The following KCNU1 variants were observed in gnomAD, a reference collection of about 807,000 sequenced individuals.
KCNU1 encodes the protein potassium channel subfamily U member 1.
A neutral mutation model predicts 126.8 loss-of-function variants in KCNU1; 93 were observed. That is an observed-to-expected ratio of 0.73 (90% CI 0.62 to 0.87). KCNU1 has a LOEUF of 0.87. KCNU1 is among the 40% of genes least tolerant of loss of function. KCNU1 has a pLI of 0.00. For synonymous variants in KCNU1, 523 were observed against 494.2 expected, an observed-to-expected ratio of 1.06 and a Z score of -0.77; for missense variants, 1,330 against 1,367.1, an observed-to-expected ratio of 0.97 and a Z score of 0.43.
chr8:36,915,892 C>T (rs1808081325), intron 22 of KCNU1, among the ~76,000 whole-genome samples: 1 of 150,048 alleles, frequency 6.7e-6, no homozygotes, highest in Admixed American at 6.7e-5. Flanking sequence ...GTACATAGTT[C>T]TATCATGGAG....
intron 3 of KCNU1, 48 bp from the exon 4 acceptor site, chr8:36,805,147 C>T (rs1476084717): frequency 7.3e-7 from 1 of 1,375,612 alleles, no homozygotes; most frequent in African/African-American, 1.4e-5. Flanking sequence ...ATATAGACAC[C>T]ACTTTAAAAA....
chr8:36,812,491 A>G (rs1032890519), intron 7 of KCNU1, among the ~76,000 whole-genome samples: 4 of 152,194 alleles, frequency 2.6e-5, no homozygotes, highest in Admixed American at 2.6e-4. Context: ...GCACAAATAA[A>G]AGTAATATAG....
chr8:36,869,329 G>C (rs553549453), intron 19 of KCNU1, among the ~76,000 whole-genome samples: 20 of 152,144 alleles, frequency 1.3e-4, no homozygotes, highest in Non-Finnish European at 2.2e-4. Context: ...ACTTTCCCTG[G>C]AAATTCTCCC....
Position 36,784,630 on chromosome 8 carries a change from T to C in KCNU1, c.195+25T>C, listed in dbSNP as rs754287267. 1.9e-6 allele frequency: 3 copies of C among 1,557,610 alleles called. No individual in the cohort carries two copies. In the Admixed American group the frequency reaches 5.3e-5, roughly 28 times the overall value. ...GGTCAGTTTCCTTGTTAGGGATCCCTCTGTGTGAAGTCAGAGATGAGTTTG... is the reference window on the plus strand; with the variant it reads ...GGTCAGTTTCCTTGTTAGGGATCCCCCTGTGTGAAGTCAGAGATGAGTTTG... On this transcript the variant is annotated intron_variant, in intron 1 of 26. Transcript: ENST00000399881.
rs751286326 is a variant in KCNU1 at position 36,864,396 on chromosome 8, T to C, written c.1892-8T>C. On this transcript the variant is annotated splice_region_variant and splice_polypyrimidine_tract_variant and intron_variant, in intron 18 of 26. Coordinates refer to ENST00000399881, the MANE Select transcript of KCNU1 (RefSeq NM_001031836.3). Reference sequence around the variant, plus strand: ...TGCCAACTCACTGAGATTTCTATCCTATTGCAGTGCCATCGGTAAAGAGAA... The same window carrying C: ...TGCCAACTCACTGAGATTTCTATCCCATTGCAGTGCCATCGGTAAAGAGAA... 6.7e-7 allele frequency: 1 copy of C among 1,486,228 alleles called. No individual in the cohort carries two copies. The highest frequency in any genetic ancestry group is 9.4e-7 in the Non-Finnish European group (1 of 1,063,766). The allele number at this position is 1,486,228 out of a possible 1,614,324, so 92.1% of individuals were successfully genotyped here.
chr8:36,814,028 T>A (rs2000441), intron 7 of KCNU1, among the ~76,000 whole-genome samples, 179 bp from the exon 8 acceptor site: 6 of 152,160 alleles, frequency 3.9e-5, no homozygotes, highest in Admixed American at 3.9e-4. Context: ...GACTTTACAC[T>A]CACTACCCAT....
intron 19 of KCNU1, among the ~76,000 whole-genome samples, chr8:36,874,200 C>A (rs1806201234): frequency 6.6e-6 from 1 of 152,148 alleles, no homozygotes; most frequent in Non-Finnish European, 1.5e-5. Flanking sequence ...CTACTCAATT[C>A]TCTTCAAAGC....
chr8:36,844,515 A>G (rs899835811), intron 16 of KCNU1, among the ~76,000 whole-genome samples: 1 of 152,234 alleles, frequency 6.6e-6, no homozygotes, highest in African/African-American at 2.4e-5. Flanking sequence ...TATTTCACTC[A>G]TTAATATAAG....
At chr8:36,912,953 C>CAAA (rs71547665) in intron 22 of KCNU1, among the ~76,000 whole-genome samples, 10 of 37,372 alleles carry the variant, frequency 2.7e-4, no homozygotes, top group African/African-American at 3.7e-4. Context: ...GGTGACAGAG[C>CAAA]AAAAAAAAAA....
rs1241674688 is a variant in KCNU1, at chr8:36,828,286, A to G, written c.1107-5268A>G. Reference sequence around the variant, plus strand: ...GCACATTTTGGTTATTTATGTTACTAGTTCTTTTTAATAATGTTGTAAGCA... The same window carrying G: ...GCACATTTTGGTTATTTATGTTACTGGTTCTTTTTAATAATGTTGTAAGCA... On this transcript the variant is annotated intron_variant, in intron 10 of 26. Coordinates refer to ENST00000399881, the MANE Select transcript of KCNU1 (RefSeq NM_001031836.3). 3.9e-5 allele frequency among the ~76,000 whole-genome samples: 6 copies of G among 152,210 alleles called. No homozygotes were observed. In the East Asian group the frequency reaches 1.2e-3, roughly 29 times the overall value.
intron 2 of KCNU1, among the ~76,000 whole-genome samples, chr8:36,799,372 G>T (rs1222225221): frequency 2.0e-5 from 3 of 151,838 alleles, no homozygotes; most frequent in Non-Finnish European, 4.4e-5. Context: ...GACAAGTCTT[G>T]GTGGGCCTTT....
chr8:36,840,329 C>A, intron 14 of KCNU1, 134 bp from the exon 15 acceptor site: 1 of 587,094 alleles, frequency 1.7e-6, no homozygotes, highest in Non-Finnish European at 3.0e-6. Flanking sequence ...TCTAGTTAAG[C>A]ACTAAGATAA....
chr8:36,903,337 G>A (rs1375793440), intron 19 of KCNU1, among the ~76,000 whole-genome samples: 1 of 152,096 alleles, frequency 6.6e-6, no homozygotes, highest in Non-Finnish European at 1.5e-5. Flanking sequence ...TAATTCACAA[G>A]GAAACCCCCT....
chr8:36,791,882 C>T (rs1802916442), intron 2 of KCNU1, among the ~76,000 whole-genome samples: 1 of 151,994 alleles, frequency 6.6e-6, no homozygotes, highest in South Asian at 2.1e-4. Flanking sequence ...TTGTTTTTTT[C>T]CACTTCCTTT....
chr8:36,915,758 C>T (rs1487377101), intron 22 of KCNU1, among the ~76,000 whole-genome samples: 1 of 152,124 alleles, frequency 6.6e-6, no homozygotes, highest in Non-Finnish European at 1.5e-5. Context: ...CCTTTGGGAC[C>T]TTATCTAAAG....
At chr8:36,815,847 G>A (rs185597602) in intron 9 of KCNU1, among the ~76,000 whole-genome samples, 160 bp downstream of exon 9, 7 of 152,210 alleles carry the variant, frequency 4.6e-5, no homozygotes, top group African/African-American at 7.2e-5. Flanking sequence ...ACTAAATACC[G>A]TAAGAAAATG....
chr8:36,806,057 T>C (rs1175178333), intron 4 of KCNU1, among the ~76,000 whole-genome samples: 1 of 152,154 alleles, frequency 6.6e-6, no homozygotes, highest in African/African-American at 2.4e-5. Context: ...TTGGTCAGGC[T>C]GGTCTCAAAC....
chr8:36,891,895 G>C (rs1806977641), intron 19 of KCNU1, among the ~76,000 whole-genome samples: 1 of 151,876 alleles, frequency 6.6e-6, no homozygotes, highest in Admixed American at 6.6e-5. Flanking sequence ...ATTCCTCTTT[G>C]CCCTTGGCTC....
At chr8:36,882,044 G>T (rs1052524995) in intron 19 of KCNU1, among the ~76,000 whole-genome samples, 1 of 152,100 alleles carries the variant, frequency 6.6e-6, no homozygotes, top group Non-Finnish European at 1.5e-5. Context: ...TACTAGGAGC[G>T]ATTTGCAGAC....
Sources: allele counts gnomAD v4.1 joint callset (sites outside exome capture counted in the v4.1 genomes callset), GRCh38; gene constraint gnomAD v4.1.1; transcripts MANE v1.5; gene names NCBI Gene and HGNC (gene_info 2026-07-23, HGNC 2026-07-21).